The following NKAIN3 variants were observed in gnomAD, a reference collection of about 807,000 sequenced individuals.
NKAIN3 encodes the protein sodium/potassium transporting ATPase interacting 3.
NKAIN3 carries 25 observed loss-of-function variants against 30.2 expected under a neutral mutation model. The ratio of observed to expected loss-of-function variants is 0.83; its 90% confidence interval spans 0.60 to 1.16. NKAIN3 has a LOEUF of 1.16. NKAIN3 is among the 50% of genes most tolerant of loss of function. The pLI is 0.00. For synonymous variants in NKAIN3, 91 were observed against 89.6 expected (o/e 1.02, Z -0.09); for missense variants, 225 against 254.1 (o/e 0.89, Z 0.78).
At chr8:62,365,509 T>G (rs981314011) in intron 1 of NKAIN3, among the ~76,000 whole-genome samples, 4 of 152,244 alleles carry the variant, frequency 2.6e-5, no homozygotes, top group Non-Finnish European at 5.9e-5. Context: ...TTCATTTACT[T>G]TAACTTCTAT....
chr8:62,879,070 C>T (rs1482656611), intron 4 of NKAIN3, among the ~76,000 whole-genome samples: 2 of 152,144 alleles, frequency 1.3e-5, no homozygotes, highest in Admixed American at 1.3e-4. Context: ...AGTTCTAGAT[C>T]CCTGAGGAAT....
At chr8:62,589,879 G>T in intron 3 of NKAIN3, 85 bp downstream of exon 3, 1 of 82,414 alleles carries the variant, frequency 1.2e-5, no homozygotes, top group East Asian at 1.1e-4. Flanking sequence ...GGTATATTGT[G>T]TGTGTGTGTG....
At chr8:62,781,864 T>A (rs1004618031) in intron 4 of NKAIN3, among the ~76,000 whole-genome samples, 2 of 151,870 alleles carry the variant, frequency 1.3e-5, no homozygotes, top group East Asian at 1.9e-4. Context: ...TAGAAAAAAC[T>A]CTTTGAAACA....
At chr8:62,435,999 T>C (rs1230536374) in intron 1 of NKAIN3, among the ~76,000 whole-genome samples, 2 of 152,208 alleles carry the variant, frequency 1.3e-5, no homozygotes, top group Middle Eastern at 3.2e-3. Flanking sequence ...CTCTATTTCA[T>C]TCCCAATGTT....
intron 5 of NKAIN3, among the ~76,000 whole-genome samples, chr8:62,950,068 A>G (rs1202847470): frequency 2.6e-5 from 4 of 152,200 alleles, no homozygotes; most frequent in Non-Finnish European, 5.9e-5. Context: ...TTAAAAATGC[A>G]GTTGCTTTAC....
At chr8:62,437,688 A>T (rs954585152) in intron 1 of NKAIN3, among the ~76,000 whole-genome samples, 2 of 152,194 alleles carry the variant, frequency 1.3e-5, no homozygotes, top group African/African-American at 4.8e-5. Context: ...TGATGGCAAA[A>T]ATAATTACCA....
chr8:62,445,173 T>C (rs1018249991), intron 1 of NKAIN3, among the ~76,000 whole-genome samples: 2 of 152,066 alleles, frequency 1.3e-5, no homozygotes, highest in African/African-American at 2.4e-5. Flanking sequence ...CTCAATCTCT[T>C]GACCTTGTGA....
intron 1 of NKAIN3, among the ~76,000 whole-genome samples, chr8:62,409,841 A>G (rs1009527886): frequency 6.6e-6 from 1 of 152,034 alleles, no homozygotes; most frequent in Admixed American, 6.5e-5. Context: ...CATATAGTTT[A>G]GCACTTTTTT....
intron 2 of NKAIN3, among the ~76,000 whole-genome samples, chr8:62,588,658 G>A (rs867471832): frequency 7.9e-5 from 12 of 151,684 alleles, no homozygotes; most frequent in South Asian, 4.1e-4. Context: ...CATAGAATAA[G>A]CTAAATAAAT....
In NKAIN3 at chr8:62,579,621, T is replaced by C. The variant is rs1810230186; in HGVS notation, c.137T>C (p.Val46Ala). Residue 46 changes from valine to alanine, a missense_variant, in exon 2 of 7, where the codon GTT becomes GCT. Transcript: ENST00000623646. ...CTTGGAAATTTTCTACACATAATAG[T>C]TGTCATATTGGGTTTGTTTGGGACC... ...PILGNFLHII[V>A]VILGLFGTIQ... The C allele has an allele frequency of 6.2e-7, 1 of 1,608,816 alleles. No individual in the cohort carries two copies. Among genetic ancestry groups the C allele is most frequent in the South Asian group, 1.1e-5 (1 of 90,640 alleles).
At chr8:62,391,761 C>A (rs1817588787) in intron 1 of NKAIN3, among the ~76,000 whole-genome samples, 1 of 151,734 alleles carries the variant, frequency 6.6e-6, no homozygotes, top group African/African-American at 2.4e-5. Context: ...TTTTTGAAAC[C>A]TCTCATTGTT....
At chr8:62,752,809 AT>A (rs1002076979) in intron 4 of NKAIN3, among the ~76,000 whole-genome samples, 8 of 152,042 alleles carry the variant, frequency 5.3e-5, no homozygotes, top group East Asian at 1.9e-4. Flanking sequence ...AGTATGTAAA[AT>A]TTTTTTTAAT....
chr8:62,613,588 A>T (rs1000167922), intron 3 of NKAIN3, among the ~76,000 whole-genome samples: 4 of 151,936 alleles, frequency 2.6e-5, no homozygotes, highest in African/African-American at 9.7e-5. Context: ...CTCTGTTATT[A>T]TCCTTTTGAG....
intron 1 of NKAIN3, among the ~76,000 whole-genome samples, chr8:62,281,895 G>A (rs371627572): frequency 6.6e-6 from 1 of 151,986 alleles, no homozygotes; most frequent in African/African-American, 2.4e-5. Flanking sequence ...AATATCACAG[G>A]AAGGACAAAA....
At chr8:62,825,151 A>G (rs1818979479) in intron 4 of NKAIN3, among the ~76,000 whole-genome samples, 1 of 152,202 alleles carries the variant, frequency 6.6e-6, no homozygotes, top group Non-Finnish European at 1.5e-5. Flanking sequence ...AACCATTCAC[A>G]GGTTTAGTCT....
intron 5 of NKAIN3, among the ~76,000 whole-genome samples, chr8:62,938,726 C>T (rs890104631): frequency 1.3e-5 from 2 of 152,130 alleles, no homozygotes; most frequent in African/African-American, 2.4e-5. Flanking sequence ...AGGCAGCACC[C>T]CATGAAACAA....
At chr8:62,744,176 A>G (rs952720697) in intron 3 of NKAIN3, among the ~76,000 whole-genome samples, 7 of 152,198 alleles carry the variant, frequency 4.6e-5, no homozygotes, top group South Asian at 2.1e-4. Flanking sequence ...AGTGTCCTTC[A>G]TGTTCAAAGT....
intron 3 of NKAIN3, among the ~76,000 whole-genome samples, chr8:62,627,335 T>G (rs183845573): frequency 8.5e-5 from 13 of 152,152 alleles, no homozygotes; most frequent in Admixed American, 8.5e-4. Flanking sequence ...TTCAAATGCT[T>G]ATGTCCTGGG....
chr8:62,316,581 AT>A (rs1814638913), intron 1 of NKAIN3, among the ~76,000 whole-genome samples: 1 of 152,118 alleles, frequency 6.6e-6, no homozygotes, highest in Admixed American at 6.5e-5. Context: ...TTCCAGCTTC[AT>A]CCCTATCTCT....
Sources: allele counts gnomAD v4.1 joint callset (sites outside exome capture counted in the v4.1 genomes callset), GRCh38; gene constraint gnomAD v4.1.1; transcripts MANE v1.5; gene names NCBI Gene and HGNC (gene_info 2026-07-23, HGNC 2026-07-21).